FLRT2: variants seen among roughly 807,000 people sequenced by gnomAD.
FLRT2 encodes leucine-rich repeat transmembrane protein FLRT2.
A neutral mutation model predicts 40.0 loss-of-function variants in FLRT2; 15 were observed. The observed-to-expected ratio is 0.38, with a 90% CI of 0.25 to 0.58. FLRT2 has a LOEUF of 0.58. Among genes scored for constraint, FLRT2 ranks in the 20% least tolerant of loss-of-function variants. The pLI is 0.71. For synonymous variants in FLRT2, 380 were observed against 336.8 expected (o/e 1.13, Z -1.41); for missense variants, 726 against 840.0 (o/e 0.86, Z 1.68).
At position 85,623,861 on chromosome 14, in the gene FLRT2, T is replaced by C. The variant is rs1595100293; in HGVS notation, c.*364T>C. On this transcript the variant is annotated 3_prime_UTR_variant, in exon 2 of 2. Transcript: ENST00000330753. ...TTGCTGTTGAAGCTGTCAGAATAAA[T>C]TCCTGGTGGTCAGATGAAAGGGCAG... The C allele has an allele frequency of 5.2e-6, 1 of 191,730 alleles. No individual in the cohort carries two copies. The highest frequency in any genetic ancestry group is 1.2e-5 in the Non-Finnish European group (1 of 85,168). 11.9% of individuals were successfully genotyped at this position (191,730 alleles called of 1,614,324 possible).
intron 1 of FLRT2, among the ~76,000 whole-genome samples, chr14:85,545,096 G>C (rs1889207386): frequency 1.3e-5 from 2 of 152,122 alleles, no homozygotes; most frequent in Non-Finnish European, 2.9e-5. Flanking sequence ...CACCACCCCA[G>C]ATCTTTTCAT....
rs181835180 is a variant in FLRT2, at chr14:85,557,548, C to A, written c.-377+27014C>A. ...AAGCACGGCAAGGCGCGGTGGCTCA[C>A]GCCTGTAATCCCAGCACTTTGGGAG... On this transcript the variant is annotated intron_variant, in intron 1 of 1. Transcript: ENST00000330753. Among the ~76,000 whole-genome samples the A allele has an allele frequency of 7.9e-3, 1,204 of 152,270 alleles. 17 individuals are homozygous for A. Among genetic ancestry groups the A allele is most frequent in the Middle Eastern group, 0.024 (7 of 294 alleles).
intron 1 of FLRT2, among the ~76,000 whole-genome samples, chr14:85,591,101 G>A (rs1478197504): frequency 5.3e-5 from 8 of 152,172 alleles, no homozygotes; most frequent in South Asian, 2.1e-4. Context: ...TAGCATGATA[G>A]TAACTGCAAA....
chr14:85,580,862 A>G (rs939687772), intron 1 of FLRT2, among the ~76,000 whole-genome samples: 7 of 152,138 alleles, frequency 4.6e-5, no homozygotes, highest in African/African-American at 1.4e-4. Context: ...TCATTTATCT[A>G]GGTGCTTTTA....
chr14:85,640,213 G>A lies in FLRT2; in HGVS notation c.*16716G>A, dbSNP rs1241414798. The A allele has an allele frequency of 6.6e-6, 1 of 151,988 alleles. No individual in the cohort carries two copies. The highest frequency in any genetic ancestry group is 2.4e-5 in the African/African-American group (1 of 41,312). 9.4% of individuals were successfully genotyped at this position (151,988 alleles called of 1,614,324 possible). The stretch of plus-strand genomic sequence containing the variant: ...TTGACTAGTGTAGATTCTGCTGTGA[G>A]CTTGTGGTGGTTCCTTCTGCAGATA... On this transcript the variant is annotated 3_prime_UTR_variant, in exon 2 of 2. Coordinates refer to ENST00000330753, the MANE Select transcript of FLRT2 (RefSeq NM_013231.6).
At chr14:85,607,381 G>A (rs1892670055) in intron 1 of FLRT2, among the ~76,000 whole-genome samples, 1 of 152,156 alleles carries the variant, frequency 6.6e-6, no homozygotes, top group African/African-American at 2.4e-5. Flanking sequence ...ATTAGAGTTA[G>A]GCGATATGAC....
At chr14:85,617,028 G>C (rs2139362239) in intron 1 of FLRT2, among the ~76,000 whole-genome samples, 1 of 152,182 alleles carries the variant, frequency 6.6e-6, no homozygotes, top group African/African-American at 2.4e-5. Context: ...GTAAGAAGGT[G>C]TGTGTAGATC....
In FLRT2 at chr14:85,625,219, A is replaced by G. The variant is rs1441349418; in HGVS notation, c.*1722A>G. 6.0e-6 allele frequency: 1 copy of G among 167,032 alleles called. No homozygotes were observed. The highest frequency in any genetic ancestry group is 1.5e-5 in the Non-Finnish European group (1 of 68,116). The allele number at this position is 167,032 out of a possible 1,614,324, so 10.3% of individuals were successfully genotyped here. On this transcript the variant is annotated 3_prime_UTR_variant, in exon 2 of 2. Transcript: ENST00000330753. ...AATATCTTTCGAAAATCAAATTTAA[A>G]CATTTCACTCTGTGCTGCATATTTC...
rs369141502 is a variant in FLRT2 at position 85,622,380 on chromosome 14, G to C, written c.866G>C (p.Arg289Pro). Reference protein sequence around the residue: ...ERLDISNNQLRMLTQGVFDNL... With the variant: ...ERLDISNNQLPMLTQGVFDNL... ...CTGGATATATCCAACAACCAACTGC[G>C]GATGCTGACTCAAGGGGTTTTTGAT... The change falls in exon 2 of 2, where the codon CGG becomes CCG. Residue 289 changes from arginine (R) to proline (P), a missense_variant. By Grantham distance (103) the Arg-to-Pro change is moderately radical. Coordinates refer to ENST00000330753, the MANE Select transcript of FLRT2 (RefSeq NM_013231.6). 2.5e-6 allele frequency: 4 copies of C among 1,614,074 alleles called. No individual in the cohort carries two copies. The highest frequency in any genetic ancestry group is 3.4e-6 in the Non-Finnish European group (4 of 1,180,020).
intron 1 of FLRT2, among the ~76,000 whole-genome samples, chr14:85,592,607 G>A (rs1415007583): frequency 2.0e-5 from 3 of 151,728 alleles, no homozygotes; most frequent in Admixed American, 2.0e-4. Flanking sequence ...TGGCCAACAT[G>A]GTGAAACCCT....
In FLRT2 at chr14:85,651,983, TA is replaced by T. The variant is rs1894443684; in HGVS notation, c.*28491del. The T allele has an allele frequency of 6.6e-6, 1 of 152,056 alleles. No individual in the cohort carries two copies. Among genetic ancestry groups the T allele is most frequent in the Non-Finnish European group, 1.5e-5 (1 of 67,954 alleles). 9.4% of individuals were successfully genotyped at this position (152,056 alleles called of 1,614,324 possible). Reference sequence around the variant, plus strand: ...GCTGGGGCTAATGGAAAATACATCTTAAAAAGTCTTCTGTGTAAAACATGGG... The same window carrying T: ...GCTGGGGCTAATGGAAAATACATCTTAAAAGTCTTCTGTGTAAAACATGGG... On this transcript the variant is annotated 3_prime_UTR_variant, in exon 2 of 2. Transcript: ENST00000330753.
chr14:85,535,865 T>G (rs1424709712), intron 1 of FLRT2, among the ~76,000 whole-genome samples: 1 of 149,656 alleles, frequency 6.7e-6, no homozygotes, highest in Non-Finnish European at 1.5e-5. Context: ...GCAGAACCTA[T>G]TACAAACCTA....
At chr14:85,555,279 C>T (rs965685437) in intron 1 of FLRT2, among the ~76,000 whole-genome samples, 3 of 152,146 alleles carry the variant, frequency 2.0e-5, no homozygotes, top group African/African-American at 7.2e-5. Context: ...TGTTACACAT[C>T]AGCAGATCAG....
rs943635629 is a variant in FLRT2, at chr14:85,625,704, A to T, written c.*2207A>T. The T allele has an allele frequency of 5.4e-5, 9 of 167,062 alleles. No homozygotes were observed. Among genetic ancestry groups the T allele is most frequent in the African/African-American group, 2.2e-4 (9 of 41,448 alleles). The allele number at this position is 167,062 out of a possible 1,614,324, so 10.3% of individuals were successfully genotyped here. On this transcript the variant is annotated 3_prime_UTR_variant, in exon 2 of 2. Transcript: ENST00000330753. Reference sequence around the variant, plus strand: ...TAAGACATCTAAAATCAAGACAATGACATGGGGGCTTTGTGTACTTAGCTG... The same window carrying T: ...TAAGACATCTAAAATCAAGACAATGTCATGGGGGCTTTGTGTACTTAGCTG...
At chr14:85,601,422 C>T (rs141095221) in intron 1 of FLRT2, among the ~76,000 whole-genome samples, 1 of 152,312 alleles carries the variant, frequency 6.6e-6, no homozygotes, top group African/African-American at 2.4e-5. Flanking sequence ...TTATGCCCAA[C>T]ATCACCAGTT....
intron 1 of FLRT2, among the ~76,000 whole-genome samples, chr14:85,570,855 G>T (rs1002058821): frequency 3.3e-5 from 5 of 151,564 alleles, no homozygotes; most frequent in African/African-American, 1.2e-4. Context: ...AAGGTGCTGG[G>T]ATTACAGGCG....
rs759315914 is a variant in FLRT2, at chr14:85,621,794, T to A, written c.280T>A (p.Tyr94Asn). The change falls in exon 2 of 2, where the codon TAC becomes AAC. Residue 94 changes from tyrosine to asparagine, a missense_variant. This residue lies in a region of FLRT2 where 106 missense variants were observed against 121.2 expected (regional missense o/e 0.87). Transcript: ENST00000330753. ...LHNVQSVHTV[Y>N]LYGNQLDEFP... The stretch of plus-strand genomic sequence containing the variant: ...CAATGTACAGTCGGTGCACACGGTC[T>A]ACCTGTATGGCAACCAACTGGACGA... 1 of 1,614,194 alleles carries A rather than the reference T, an allele frequency of 6.2e-7. No individual in the cohort carries two copies. Among genetic ancestry groups the A allele is most frequent in the South Asian group, 1.1e-5 (1 of 91,090 alleles).
At chr14:85,555,842 C>T (rs2139834214) in intron 1 of FLRT2, among the ~76,000 whole-genome samples, 1 of 151,956 alleles carries the variant, frequency 6.6e-6, no homozygotes, top group African/African-American at 2.4e-5. Flanking sequence ...AGGTGTGAGG[C>T]CCTGTGCCTG....
chr14:85,541,350 C>T (rs1888974447), intron 1 of FLRT2, among the ~76,000 whole-genome samples: 1 of 152,118 alleles, frequency 6.6e-6, no homozygotes, highest in African/African-American at 2.4e-5. Flanking sequence ...CATGATCCCT[C>T]CACTTGAGGC....
Sources: allele counts gnomAD v4.1 joint callset (sites outside exome capture counted in the v4.1 genomes callset), GRCh38; gene constraint gnomAD v4.1.1; regional missense constraint gnomAD v4.1.1; transcripts MANE v1.5; gene names NCBI Gene and HGNC (gene_info 2026-07-23, HGNC 2026-07-21).